Variants in WASHC3 observed in about 807,000 individuals in gnomAD.
WASHC3 encodes WASH complex subunit 3, also known as WASH complex subunit CCDC53.
Under a neutral mutation model 26.1 loss-of-function variants are expected in WASHC3, and 24 were observed. The observed-to-expected ratio is 0.92, with a 90% CI of 0.66 to 1.29. The LOEUF (loss-of-function observed/expected upper bound fraction) is 1.29, where lower values mean the gene tolerates loss of function less well. Ranked by LOEUF, WASHC3 falls within the 50% of genes most tolerant of loss-of-function variation. The probability of loss-of-function intolerance (pLI) is 0.00; values close to 1 mark genes in which losing one functional copy is unlikely to be tolerated. For synonymous variants in WASHC3, 77 were observed against 75.7 expected (o/e 1.02, Z -0.09); for missense variants, 214 against 229.6 (o/e 0.93, Z 0.44).
At position 102,046,083 on chromosome 12, in the gene WASHC3, C is replaced by T; in HGVS notation, c.187G>A (p.Glu63Lys). ...GCATCTAAAATATTGAGAGTTGTTTCAATTTGTTGGATACGAAGTGAAAGG... is the reference window on the plus strand; with the variant it reads ...GCATCTAAAATATTGAGAGTTGTTTTAATTTGTTGGATACGAAGTGAAAGG... ...ADLSLRIQQI[E>K]TTLNILDAKL... Residue 63 changes from glutamate to lysine, a missense_variant, in exon 3 of 7, where the codon GAA (glutamate) becomes AAA (lysine). Transcript: ENST00000240079. The T allele has an allele frequency of 1.3e-6, 2 of 1,597,024 alleles. No homozygotes were observed. The highest frequency in any genetic ancestry group is 1.7e-6 in the Non-Finnish European group (2 of 1,169,144).
chr12:102,036,586 T>C (rs1053682948), intron 5 of WASHC3, among the ~76,000 whole-genome samples: 22 of 152,276 alleles, frequency 1.4e-4, no homozygotes, highest in African/African-American at 5.3e-4. Context: ...GACCTCCAAC[T>C]TTAATGACTA....
intron 5 of WASHC3, among the ~76,000 whole-genome samples, chr12:102,036,897 T>C (rs1273679526): frequency 6.6e-6 from 1 of 152,218 alleles, no homozygotes; most frequent in African/African-American, 2.4e-5. Context: ...TAGAGTTAAG[T>C]GCTAAGTACT....
intron 2 of WASHC3, among the ~76,000 whole-genome samples, chr12:102,054,660 C>A (rs1466461975): frequency 1.3e-5 from 2 of 152,022 alleles, no homozygotes; most frequent in Admixed American, 6.6e-5. Context: ...ATATGATATG[C>A]CACAAAACAA....
In WASHC3 at chr12:102,041,422, A is replaced by G. The variant is rs571833299; in HGVS notation, c.325-1444T>C. Among the ~76,000 whole-genome samples, 59 of 152,172 alleles carry G rather than the reference A, an allele frequency of 3.9e-4. 1 individual carries two copies. In the South Asian group the frequency reaches 0.012, roughly 32 times the overall value. On this transcript the variant is annotated intron_variant, in intron 4 of 6. Transcript: ENST00000240079. ...CATATCTCTCAACTGTCCTTCATTTATTCTCAAATCAATCTCACTCTGCAC... is the reference window on the plus strand; with the variant it reads ...CATATCTCTCAACTGTCCTTCATTTGTTCTCAAATCAATCTCACTCTGCAC...
At chr12:102,046,019 A>C (rs778547169) in intron 3 of WASHC3, 35 bp downstream of exon 3, 3 of 1,289,204 alleles carry the variant, frequency 2.3e-6, no homozygotes, top group Non-Finnish European at 3.3e-6. Context: ...TATGCACAGC[A>C]AAGTTTATAC....
At chr12:102,060,123 G>C (rs1297927824) in intron 2 of WASHC3, among the ~76,000 whole-genome samples, 1 of 152,138 alleles carries the variant, frequency 6.6e-6, no homozygotes, top group Non-Finnish European at 1.5e-5. Context: ...TAATTGCTAA[G>C]GCTATACCTT....
chr12:102,061,217 C>A, intron 2 of WASHC3, 31 bp downstream of exon 2: 1 of 1,422,998 alleles, frequency 7.0e-7, no homozygotes. Flanking sequence ...GATTTCCAGG[C>A]GACTCTATAA....
At chr12:102,039,140 T>G (rs917909200) in intron 5 of WASHC3, among the ~76,000 whole-genome samples, 2 of 147,556 alleles carry the variant, frequency 1.4e-5, no homozygotes, top group African/African-American at 2.5e-5. Flanking sequence ...TTTTTTTTTT[T>G]TTTTTTTTTT....
At chr12:102,023,351 CAACAGTTATATGAGTTTGTCTTACTACCT>C (rs1877033309) in intron 6 of WASHC3, among the ~76,000 whole-genome samples, 1 of 151,908 alleles carries the variant, frequency 6.6e-6, no homozygotes, top group South Asian at 2.1e-4. Flanking sequence ...CCATTTCTTC[CAACAGTTATATGAGTTTGTCTTACTACCT>C]AAAGCTAATA....
intron 1 of WASHC3, 85 bp downstream of exon 1, chr12:102,061,827 C>G: frequency 4.1e-6 from 5 of 1,231,940 alleles, no homozygotes; most frequent in Non-Finnish European, 2.3e-6. Flanking sequence ...GGTGGGGACT[C>G]GGAAGGTGGG....
intron 4 of WASHC3, among the ~76,000 whole-genome samples, chr12:102,041,567 A>C (rs1362835960): frequency 2.0e-5 from 3 of 152,204 alleles, no homozygotes; most frequent in African/African-American, 7.2e-5. Context: ...AGTGATAAAC[A>C]GATGATTTTT....
intron 5 of WASHC3, among the ~76,000 whole-genome samples, chr12:102,037,614 G>A (rs1877722868): frequency 6.6e-6 from 1 of 152,164 alleles, no homozygotes; most frequent in African/African-American, 2.4e-5. Flanking sequence ...AAGGAGGCCA[G>A]TAGAGCTGGA....
intron 5 of WASHC3, among the ~76,000 whole-genome samples, chr12:102,031,107 A>G (rs1463799824): frequency 2.0e-5 from 3 of 152,200 alleles, no homozygotes; most frequent in Non-Finnish European, 4.4e-5. Flanking sequence ...CCTAATCTGT[A>G]AAACTGGCAT....
chr12:102,034,781 A>AGTGTGT (rs60815635), intron 5 of WASHC3, among the ~76,000 whole-genome samples: 19,950 of 146,042 alleles, frequency 0.14, 1,471 homozygotes, highest in Non-Finnish European at 0.18. Context: ...CCTAAAAAAA[A>AGTGTGT]GTGTGTGTGT....
At chr12:102,051,870 A>G (rs1878406534) in intron 2 of WASHC3, among the ~76,000 whole-genome samples, 2 of 152,278 alleles carry the variant, frequency 1.3e-5, no homozygotes, top group African/African-American at 4.8e-5. Flanking sequence ...TATGATGCCC[A>G]GCACAGAGGA....
intron 2 of WASHC3, among the ~76,000 whole-genome samples, chr12:102,050,812 C>A (rs1341581570): frequency 2.0e-5 from 3 of 152,122 alleles, no homozygotes; most frequent in African/African-American, 4.8e-5. Context: ...TCCTGCCAAC[C>A]CCTCAAAATT....
At chr12:102,047,508 G>C (rs1256858639) in intron 2 of WASHC3, among the ~76,000 whole-genome samples, 3 of 152,110 alleles carry the variant, frequency 2.0e-5, no homozygotes, top group Non-Finnish European at 4.4e-5. Context: ...TTCACATAAG[G>C]CTTTTAGGTA....
intron 6 of WASHC3, among the ~76,000 whole-genome samples, chr12:102,015,045 G>A (rs1375296568): frequency 1.3e-5 from 2 of 152,178 alleles, no homozygotes; most frequent in Non-Finnish European, 2.9e-5. Flanking sequence ...ATTCATGCCT[G>A]TAATCCCAGC....
chr12:102,061,874 C>G, intron 1 of WASHC3, 38 bp downstream of exon 1: 1 of 1,555,830 alleles, frequency 6.4e-7, no homozygotes, highest in Non-Finnish European at 8.7e-7. Context: ...CCATCCTCCT[C>G]CCGGCTCGTC....
Sources: gnomAD v4.1 joint callset for allele counts (sites outside exome capture counted in the v4.1 genomes callset) on GRCh38, gnomAD v4.1.1 for gene constraint, MANE v1.5 for transcripts, NCBI Gene and HGNC (gene_info 2026-07-23, HGNC 2026-07-21) for gene names.